The following ISX variants were observed in gnomAD, a reference collection of about 807,000 sequenced individuals.
The protein encoded by ISX is intestine-specific homeobox.
In ISX, 15 loss-of-function variants were observed where a neutral mutation model predicts 16.9. The ratio of observed to expected loss-of-function variants is 0.89; its 90% CI spans 0.59 to 1.36. The LOEUF (loss-of-function observed/expected upper bound fraction) is 1.36, where lower values mean the gene tolerates loss of function less well. ISX is among the 40% of genes most tolerant of loss of function. The pLI is 0.00. For missense variants in ISX, 316 were observed against 306.1 expected, an observed-to-expected ratio of 1.03 and a Z score of -0.24; for synonymous variants, 125 against 119.7, an observed-to-expected ratio of 1.04 and a Z score of -0.29.
Position 35,085,791 on chromosome 22 carries a change from C to A in ISX, c.*98C>A. The A allele has an allele frequency of 6.7e-7, 1 of 1,499,326 alleles. No individual in the cohort carries two copies. The highest frequency in any genetic ancestry group is 9.2e-7 in the Non-Finnish European group (1 of 1,091,156). 92.9% of individuals were successfully genotyped at this position (1,499,326 alleles called of 1,614,324 possible). A position where few individuals can be genotyped will look rare whatever the true frequency, so the allele number is the denominator to read the frequency against. ...CCTCTGGGGAAATCGATTTCACAATCCAAAAATGGCCCACAGCCCAGGAAG... is the reference window on the plus strand; with the variant it reads ...CCTCTGGGGAAATCGATTTCACAATACAAAAATGGCCCACAGCCCAGGAAG... On this transcript the variant is annotated 3_prime_UTR_variant, in exon 5 of 5. Coordinates refer to ENST00000404699, the MANE Select transcript of ISX (RefSeq NM_001303508.2).
rs997431976 is a variant in ISX at position 35,087,380 on chromosome 22, T to C, written c.*1687T>C. 2.0e-4 allele frequency: 30 copies of C among 152,266 alleles called. No individual in the cohort carries two copies. The highest frequency in any genetic ancestry group is 6.3e-4 in the African/African-American group (26 of 41,470). 9.4% of individuals were successfully genotyped at this position (152,266 alleles called of 1,614,324 possible). A position where few individuals can be genotyped will look rare whatever the true frequency, so the allele number is the denominator to read the frequency against. ...GTGCAAAATAAAATTTCTATCATTTTGCTATAACTGGATTTACTTTCTATG... is the reference window on the plus strand; with the variant it reads ...GTGCAAAATAAAATTTCTATCATTTCGCTATAACTGGATTTACTTTCTATG... On this transcript the variant is annotated 3_prime_UTR_variant, in exon 5 of 5. Transcript: ENST00000404699.
intron 3 of ISX, among the ~76,000 whole-genome samples, chr22:35,083,106 A>C (rs1929161276): frequency 1.3e-5 from 2 of 152,246 alleles, no homozygotes; most frequent in South Asian, 4.1e-4. Context: ...AGGTAGCACA[A>C]AAGCAGCCTC....
chr22:35,067,745 C>A (rs1430628232), intron 2 of ISX, among the ~76,000 whole-genome samples: 1 of 152,218 alleles, frequency 6.6e-6, no homozygotes, highest in Non-Finnish European at 1.5e-5. Context: ...GCCCCGCTAT[C>A]AGGACCTGGC....
chr22:35,068,616 G>A (rs1052910753), intron 2 of ISX, among the ~76,000 whole-genome samples: 8 of 152,250 alleles, frequency 5.3e-5, no homozygotes, highest in African/African-American at 1.7e-4. Flanking sequence ...GAGAGGTCTC[G>A]CTTTTCCTAC....
At chr22:35,074,141 T>C (rs560278556) in intron 2 of ISX, among the ~76,000 whole-genome samples, 192 of 152,362 alleles carry the variant, frequency 1.3e-3, no homozygotes, top group Non-Finnish European at 2.4e-3. Flanking sequence ...TTGCTGCTAA[T>C]TGGCATTCTC....
intron 2 of ISX, among the ~76,000 whole-genome samples, chr22:35,068,948 C>T (rs1291716001): frequency 6.6e-6 from 1 of 152,172 alleles, no homozygotes; most frequent in Non-Finnish European, 1.5e-5. Flanking sequence ...CCCTGGTGGC[C>T]TTAGACCATC....
chr22:35,084,539 T>C lies in ISX; in HGVS notation c.498+40T>C, dbSNP rs777845142. 5.0e-6 allele frequency: 7 copies of C among 1,391,066 alleles called. No homozygotes were observed. In the Admixed American group the frequency reaches 1.1e-4, roughly 21 times the overall value. The allele number at this position is 1,391,066 out of a possible 1,614,324, so 86.2% of individuals were successfully genotyped here. On this transcript the variant is annotated intron_variant, in intron 4 of 4. Coordinates refer to ENST00000404699, the MANE Select transcript of ISX (RefSeq NM_001303508.2). ...CCTCAAGGTAGGGTGGAGGGAGCCA[T>C]TGTCTGGAAATATCCCAGTCAGACC...
chr22:35,069,756 T>C (rs1014721436), intron 2 of ISX, among the ~76,000 whole-genome samples: 1 of 152,130 alleles, frequency 6.6e-6, no homozygotes, highest in Non-Finnish European at 1.5e-5. Flanking sequence ...GCAGGACCCC[T>C]CAGCAGAGAG....
Position 35,085,704 on chromosome 22 carries a change from T to C in ISX, c.*11T>C, listed in dbSNP as rs1232269259. On this transcript the variant is annotated 3_prime_UTR_variant, in exon 5 of 5. Coordinates refer to ENST00000404699, the MANE Select transcript of ISX (RefSeq NM_001303508.2). ...GCTACTTCAACATAGAGATTGGACA[T>C]GCTCTCCCCAAATGAGCCACTTTCC... 1.2e-6 allele frequency: 2 copies of C among 1,614,092 alleles called. No homozygotes were observed. The highest frequency in any genetic ancestry group is 1.7e-6 in the Non-Finnish European group (2 of 1,179,946).
intron 2 of ISX, among the ~76,000 whole-genome samples, chr22:35,071,116 C>G (rs759332930): frequency 3.3e-5 from 5 of 152,206 alleles, no homozygotes; most frequent in Admixed American, 3.3e-4. Context: ...GGCTCACCTC[C>G]CATCACACCC....
In ISX at chr22:35,078,308, G is replaced by A. The variant is rs1013260395; in HGVS notation, c.230-4210G>A. Among the ~76,000 whole-genome samples the A allele has an allele frequency of 3.9e-5, 6 of 152,042 alleles. No homozygotes were observed. In the East Asian group the frequency reaches 9.6e-4, roughly 24 times the overall value. On this transcript the variant is annotated intron_variant, in intron 2 of 4. Coordinates refer to ENST00000404699, the MANE Select transcript of ISX (RefSeq NM_001303508.2). ...GTTCATTTTGTACTCCTGCAGACTG[G>A]CCCTCAGTGCCTATTAGGTGCTGGT...
At chr22:35,082,884 A>T (rs1929156000) in intron 3 of ISX, among the ~76,000 whole-genome samples, 1 of 152,198 alleles carries the variant, frequency 6.6e-6, no homozygotes, top group African/African-American at 2.4e-5. Context: ...AAAGGGAGTA[A>T]AGTGGCATCA....
chr22:35,068,613 C>T (rs1928769336), intron 2 of ISX, among the ~76,000 whole-genome samples: 1 of 152,176 alleles, frequency 6.6e-6, no homozygotes, highest in East Asian at 1.9e-4. Flanking sequence ...AGAGAGAGGT[C>T]TCGCTTTTCC....
intron 2 of ISX, among the ~76,000 whole-genome samples, chr22:35,072,506 C>G (rs1752487677): frequency 6.6e-6 from 1 of 152,120 alleles, no homozygotes; most frequent in Non-Finnish European, 1.5e-5. Context: ...GATTTGATCC[C>G]TAAAGACAAA....
chr22:35,068,615 C>G (rs1383513967), intron 2 of ISX, among the ~76,000 whole-genome samples: 1 of 152,168 alleles, frequency 6.6e-6, no homozygotes, highest in Non-Finnish European at 1.5e-5. Context: ...AGAGAGGTCT[C>G]GCTTTTCCTA....
chr22:35,068,001 T>G (rs362112), intron 2 of ISX, among the ~76,000 whole-genome samples: 146,738 of 152,302 alleles, frequency 0.96, 70,732 homozygotes, highest in East Asian at 1. Context: ...GGGGCATTGG[T>G]GTGGACGCAC....
intron 2 of ISX, among the ~76,000 whole-genome samples, chr22:35,078,397 A>G (rs1288084810): frequency 6.6e-6 from 1 of 152,194 alleles, no homozygotes; most frequent in African/African-American, 2.4e-5. Context: ...CTCTACATCA[A>G]TTCTGACTGA....
intron 3 of ISX, among the ~76,000 whole-genome samples, chr22:35,082,871 T>G (rs1929155704): frequency 6.6e-6 from 1 of 152,202 alleles, no homozygotes; most frequent in Non-Finnish European, 1.5e-5. Flanking sequence ...CCTCCGGGAA[T>G]GGAAAGGGAG....
At chr22:35,077,074 C>T (rs1352314635) in intron 2 of ISX, among the ~76,000 whole-genome samples, 3 of 152,202 alleles carry the variant, frequency 2.0e-5, no homozygotes, top group Admixed American at 1.3e-4. Flanking sequence ...ATCCAGTTCT[C>T]CTTCCAGGAT....
Sources: gnomAD v4.1 joint callset for allele counts (sites outside exome capture counted in the v4.1 genomes callset) on GRCh38, gnomAD v4.1.1 for gene constraint, MANE v1.5 for transcripts, NCBI Gene and HGNC (gene_info 2026-07-23, HGNC 2026-07-21) for gene names.